NRXN1: variants seen among roughly 807,000 people sequenced by gnomAD.
NRXN1 encodes neurexin 1, also known as neurexin-1.
A neutral mutation model predicts 150.9 loss-of-function variants in NRXN1; 39 were observed. The observed-to-expected ratio is 0.26, with a 90% CI of 0.20 to 0.34. The LOEUF (loss-of-function observed/expected upper bound fraction) is 0.34, where lower values mean the gene tolerates loss of function less well. Among genes scored for constraint, NRXN1 ranks in the 10% least tolerant of loss-of-function variants. NRXN1 has a pLI of 1.00. For missense variants in NRXN1, 1,815 were observed against 1,949.9 expected (o/e 0.93, Z 1.30); for synonymous variants, 924 against 757.0 (o/e 1.22, Z -3.62).
At chr2:50,706,081 T>C (rs1694393883) in intron 5 of NRXN1, among the ~76,000 whole-genome samples, 1 of 152,168 alleles carries the variant, frequency 6.6e-6, no homozygotes, top group Non-Finnish European at 1.5e-5. Context: ...CTAAACTTCA[T>C]TCTGGTGTCT....
intron 8 of NRXN1, among the ~76,000 whole-genome samples, chr2:50,560,424 G>GTTTATTTA (rs376853823): frequency 0.068 from 6,113 of 89,460 alleles, 193 homozygotes; most frequent in East Asian, 0.23. Context: ...TCTGATGTAT[G>GTTTATTTA]TTTATTTATT....
intron 5 of NRXN1, among the ~76,000 whole-genome samples, chr2:50,663,839 T>C (rs1379004272): frequency 6.6e-6 from 1 of 151,212 alleles, no homozygotes; most frequent in Non-Finnish European, 1.5e-5. Context: ...ATTTTGAGCC[T>C]AAAGATTTAA....
chr2:50,951,878 C>T (rs1232596367), intron 2 of NRXN1, among the ~76,000 whole-genome samples: 2 of 146,228 alleles, frequency 1.4e-5, no homozygotes, highest in African/African-American at 5.0e-5. Flanking sequence ...TCTATGTTAT[C>T]TATCTCATAT....
At chr2:50,231,208 A>C (rs1442476484) in intron 18 of NRXN1, among the ~76,000 whole-genome samples, 1 of 143,320 alleles carries the variant, frequency 7.0e-6, no homozygotes, top group East Asian at 2.0e-4. Flanking sequence ...GAGTATTTCA[A>C]ATGGAACATA....
At chr2:50,688,987 A>C (rs1006669279) in intron 5 of NRXN1, among the ~76,000 whole-genome samples, 2 of 152,168 alleles carry the variant, frequency 1.3e-5, no homozygotes, top group Non-Finnish European at 2.9e-5. Context: ...GAGACTTATA[A>C]AAATAAATAT....
chr2:50,513,838 A>G (rs1422951568), intron 12 of NRXN1, among the ~76,000 whole-genome samples: 5 of 152,158 alleles, frequency 3.3e-5, no homozygotes, highest in African/African-American at 1.2e-4. Context: ...AACCCATAGC[A>G]GTTATATTTG....
intron 12 of NRXN1, among the ~76,000 whole-genome samples, chr2:50,509,742 T>C (rs555766682): frequency 6.6e-6 from 1 of 152,314 alleles, no homozygotes; most frequent in South Asian, 2.1e-4. Flanking sequence ...TTCCTTTCCT[T>C]TGGGGGATAT....
chr2:49,964,828 C>A (rs959038428), intron 21 of NRXN1, among the ~76,000 whole-genome samples: 1 of 151,650 alleles, frequency 6.6e-6, no homozygotes, highest in Non-Finnish European at 1.5e-5. Context: ...GCAACAAAAG[C>A]AAAAGTCCAT....
At chr2:50,285,961 C>T (rs1014068627) in intron 17 of NRXN1, among the ~76,000 whole-genome samples, 1 of 151,686 alleles carries the variant, frequency 6.6e-6, no homozygotes, top group Non-Finnish European at 1.5e-5. Flanking sequence ...TTTTAACAAA[C>T]AGCTACCTAA....
At chr2:50,744,312 A>G (rs2105291011) in intron 5 of NRXN1, among the ~76,000 whole-genome samples, 1 of 152,260 alleles carries the variant, frequency 6.6e-6, no homozygotes, top group South Asian at 2.1e-4. Flanking sequence ...AACAAAAAAG[A>G]ATGAACAGCA....
At chr2:50,686,987 T>C (rs1691326292) in intron 5 of NRXN1, among the ~76,000 whole-genome samples, 1 of 152,220 alleles carries the variant, frequency 6.6e-6, no homozygotes, top group Non-Finnish European at 1.5e-5. Flanking sequence ...CATAATTAGG[T>C]ATTCCTTTGC....
chr2:50,194,447 G>A (rs1311035645), intron 18 of NRXN1, among the ~76,000 whole-genome samples: 3 of 152,044 alleles, frequency 2.0e-5, no homozygotes, highest in South Asian at 4.1e-4. Context: ...TTATGCCAAC[G>A]TGGACTGCCA....
rs1304974328 is a variant in NRXN1 at position 50,922,677 on chromosome 2, G to A, written c.801C>T (p.His267=). 6.2e-7 allele frequency: 1 copy of A among 1,610,582 alleles called. No homozygotes were observed. The highest frequency in any genetic ancestry group is 8.5e-7 in the Non-Finnish European group (1 of 1,178,210). The change falls in exon 4 of 23, where the codon CAC becomes CAT. Residue 267 remains histidine (H), a synonymous_variant. Transcript: ENST00000401669. ...CCATACCTTGGTCGCCCATCATCAG[G>A]TGCGCCAGACCTTGAAGGGAAACAA... ...QEDNNVEGLA[H]LMMGDQGKSK... is the part of the protein sequence containing the mutation.
intron 5 of NRXN1, among the ~76,000 whole-genome samples, chr2:50,720,325 C>G (rs1299861862): frequency 6.6e-6 from 1 of 152,048 alleles, no homozygotes; most frequent in Non-Finnish European, 1.5e-5. Flanking sequence ...TTCAGGGTAC[C>G]TCCCTCCCTC....
chr2:50,968,345 TCCTACAC>T (rs919489661), intron 2 of NRXN1, among the ~76,000 whole-genome samples: 6 of 152,210 alleles, frequency 3.9e-5, no homozygotes, highest in Admixed American at 1.3e-4. Context: ...TTCTCAGATC[TCCTACAC>T]CCTGTGTACT....
chr2:50,080,986 T>A (rs1305680200), intron 19 of NRXN1, among the ~76,000 whole-genome samples: 1 of 152,184 alleles, frequency 6.6e-6, no homozygotes, highest in African/African-American at 2.4e-5. Context: ...TCTAGGTAAA[T>A]GGGCCTAAGG....
chr2:50,620,231 T>C lies in NRXN1; in HGVS notation c.1159-48A>G, dbSNP rs757694085. ...AGGACACGCTATACTCAGACCTAGA[T>C]ACTGTAATCCTGGGATATGCCTGTT... On this transcript the variant is annotated intron_variant, in intron 7 of 22. Coordinates refer to ENST00000401669, the MANE Select transcript of NRXN1 (RefSeq NM_001330078.2). The C allele has an allele frequency of 4.2e-5, 67 of 1,576,810 alleles. 1 individual carries two copies. In the East Asian group the frequency reaches 1.5e-3, roughly 35 times the overall value.
At chr2:50,135,888 C>T (rs1706331087) in intron 18 of NRXN1, among the ~76,000 whole-genome samples, 1 of 152,146 alleles carries the variant, frequency 6.6e-6, no homozygotes, top group Non-Finnish European at 1.5e-5. Context: ...AAAATTGAGA[C>T]ATAACATGGA....
intron 5 of NRXN1, among the ~76,000 whole-genome samples, chr2:50,814,035 A>C (rs1459489728): frequency 6.6e-6 from 1 of 152,194 alleles, no homozygotes; most frequent in East Asian, 1.9e-4. Flanking sequence ...TGAGGGCAAA[A>C]TTTTGTGGAA....
Sources: allele counts gnomAD v4.1 joint callset (sites outside exome capture counted in the v4.1 genomes callset), GRCh38; gene constraint gnomAD v4.1.1; transcripts MANE v1.5; gene names NCBI Gene and HGNC (gene_info 2026-07-23, HGNC 2026-07-21).